The following PTPRG variants were observed in gnomAD, a reference collection of about 807,000 sequenced individuals.
PTPRG encodes protein tyrosine phosphatase receptor type G, also known as receptor-type tyrosine-protein phosphatase gamma.
Under a neutral mutation model 165.3 loss-of-function variants are expected in PTPRG, and 102 were observed. The observed-to-expected ratio is 0.62, with a 90% CI of 0.53 to 0.73. The LOEUF is 0.73. PTPRG is among the 30% of genes least tolerant of loss of function. The pLI, the probability that PTPRG is intolerant of heterozygous loss-of-function variation, is 0.00. For missense variants in PTPRG, 1,866 were observed against 1,861.4 expected (o/e 1.00, Z -0.05); for synonymous variants, 675 against 669.5 (o/e 1.01, Z -0.13).
At chr3:61,655,383 A>G (rs918100879) in intron 1 of PTPRG, among the ~76,000 whole-genome samples, 4 of 152,152 alleles carry the variant, frequency 2.6e-5, no homozygotes. Context: ...TAAGATCTTC[A>G]GGGATTGTTA....
At chr3:61,728,874 CAAAAAAAA>C (rs3032404) in intron 1 of PTPRG, among the ~76,000 whole-genome samples, 3 of 103,016 alleles carry the variant, frequency 2.9e-5, no homozygotes, top group Non-Finnish European at 4.2e-5. Flanking sequence ...TAATCTGTAC[CAAAAAAAA>C]AAAAAAAAAA....
intron 1 of PTPRG, among the ~76,000 whole-genome samples, chr3:61,733,792 CTTTTG>C (rs1395730274): frequency 6.6e-6 from 1 of 152,036 alleles, no homozygotes; most frequent in Admixed American, 6.6e-5. Context: ...CAACTCTTCA[CTTTTG>C]TTTTGTTTTA....
At chr3:61,938,767 G>A (rs142733904) in intron 2 of PTPRG, among the ~76,000 whole-genome samples, 1 of 152,086 alleles carries the variant, frequency 6.6e-6, no homozygotes, top group Admixed American at 6.5e-5. Context: ...CATTATAGTT[G>A]TCTTTTTTTC....
intron 8 of PTPRG, among the ~76,000 whole-genome samples, chr3:62,182,271 A>T (rs1222887063): frequency 6.6e-6 from 1 of 152,204 alleles, no homozygotes; most frequent in Non-Finnish European, 1.5e-5. Flanking sequence ...TTCAAGGGTC[A>T]CCTGTATTGG....
chr3:61,796,954 C>G (rs2035065114), intron 2 of PTPRG, among the ~76,000 whole-genome samples: 1 of 152,292 alleles, frequency 6.6e-6, no homozygotes, highest in South Asian at 2.1e-4. Flanking sequence ...TTGTGTTCAT[C>G]TGTTTTCTCC....
chr3:61,610,083 T>G (rs28520396), intron 1 of PTPRG, among the ~76,000 whole-genome samples: 4,207 of 150,110 alleles, frequency 0.028, 176 homozygotes, highest in African/African-American at 0.096. Context: ...GATACCACAC[T>G]GCCTGGGTTT....
chr3:61,919,502 G>A (rs969568653), intron 2 of PTPRG, among the ~76,000 whole-genome samples: 2 of 152,294 alleles, frequency 1.3e-5, no homozygotes, highest in Admixed American at 6.5e-5. Context: ...CCACGATGGA[G>A]TTTCCTACTT....
intron 1 of PTPRG, among the ~76,000 whole-genome samples, chr3:61,607,444 G>A (rs1701043002): frequency 7.2e-6 from 1 of 138,632 alleles, no homozygotes; most frequent in African/African-American, 2.7e-5. Context: ...CTTACCAGAT[G>A]CATCAAACAC....
intron 5 of PTPRG, among the ~76,000 whole-genome samples, chr3:62,090,069 G>C (rs79659265): frequency 0.037 from 5,575 of 152,174 alleles, 108 homozygotes; most frequent in East Asian, 0.079. Flanking sequence ...AAATGGATTT[G>C]GTGAGAGATA....
chr3:61,872,535 C>T (rs765634218), intron 2 of PTPRG, among the ~76,000 whole-genome samples: 3 of 152,100 alleles, frequency 2.0e-5, no homozygotes, highest in Non-Finnish European at 4.4e-5. Flanking sequence ...AATGGCTTGC[C>T]GATGCAATAA....
rs922643230 is a variant in PTPRG at position 61,694,031 on chromosome 3, G to A, written c.86-54847G>A. On this transcript the variant is annotated intron_variant, in intron 1 of 29. Coordinates refer to ENST00000474889, the MANE Select transcript of PTPRG (RefSeq NM_002841.4). ...TCCAAAAAAAAAAAAAAAAAAGAGA[G>A]AGAGAGAGAGAGGGAAGCAAGGCTT... is the stretch of plus-strand genomic sequence containing the variant. Among the ~76,000 whole-genome samples, 304 of 149,940 alleles carry A rather than the reference G, an allele frequency of 2.0e-3. 1 individual carries two copies. Among genetic ancestry groups the A allele is most frequent in the African/African-American group, 6.7e-3 (272 of 40,650 alleles).
chr3:61,819,721 C>G (rs1428131395), intron 2 of PTPRG, among the ~76,000 whole-genome samples: 1 of 152,006 alleles, frequency 6.6e-6, no homozygotes, highest in Non-Finnish European at 1.5e-5. Context: ...GCAAAACAGA[C>G]AAAATCCATA....
intron 1 of PTPRG, among the ~76,000 whole-genome samples, chr3:61,671,994 C>G (rs1265394258): frequency 8.0e-6 from 1 of 124,948 alleles, no homozygotes; most frequent in East Asian, 2.6e-4. Context: ...GGGCTCCTCA[C>G]TTCTCAGACG....
At chr3:62,191,803 C>T (rs1163348691) in intron 9 of PTPRG, 150 bp downstream of exon 9, 6 of 873,062 alleles carry the variant, frequency 6.9e-6, no homozygotes, top group South Asian at 1.8e-5. Flanking sequence ...CTGCGCTGCT[C>T]GAGAGTGCCG....
intron 2 of PTPRG, 115 bp from the exon 3 acceptor site, chr3:61,989,510 C>A (rs2040833789): frequency 3.1e-6 from 3 of 966,156 alleles, no homozygotes; most frequent in Non-Finnish European, 4.6e-6. Context: ...TCAGTACATT[C>A]ACCTCTTTGG....
intron 12 of PTPRG, among the ~76,000 whole-genome samples, chr3:62,209,303 G>T (rs1176865275): frequency 6.6e-6 from 1 of 152,082 alleles, no homozygotes; most frequent in African/African-American, 2.4e-5. Context: ...GCACAGGACA[G>T]CTCCACAACA....
At chr3:61,658,149 T>C (rs774889278) in intron 1 of PTPRG, among the ~76,000 whole-genome samples, 9 of 152,214 alleles carry the variant, frequency 5.9e-5, no homozygotes, top group Admixed American at 5.9e-4. Context: ...GTCATTGTTC[T>C]GGCACATATT....
intron 12 of PTPRG, among the ~76,000 whole-genome samples, chr3:62,208,180 C>T (rs769730180): frequency 6.6e-6 from 1 of 152,116 alleles, no homozygotes; most frequent in Admixed American, 6.5e-5. Context: ...GGTGTACTCC[C>T]TCCCTTTCAC....
intron 2 of PTPRG, among the ~76,000 whole-genome samples, chr3:61,925,685 G>A (rs2107571810): frequency 6.6e-6 from 1 of 152,160 alleles, no homozygotes; most frequent in Admixed American, 6.5e-5. Context: ...GGAGGTTGCA[G>A]TGAGCCAAGA....
Sources: allele counts gnomAD v4.1 joint callset (sites outside exome capture counted in the v4.1 genomes callset), GRCh38; gene constraint gnomAD v4.1.1; transcripts MANE v1.5; gene names NCBI Gene and HGNC (gene_info 2026-07-23, HGNC 2026-07-21).